Variants in SYT16 observed in about 807,000 individuals in gnomAD.
SYT16 encodes the protein synaptotagmin 16.
SYT16 carries 42 observed loss-of-function variants against 61.4 expected under a neutral mutation model. That is an observed-to-expected ratio of 0.68 (90% CI 0.53 to 0.89). The LOEUF (loss-of-function observed/expected upper bound fraction) is 0.89, where lower values mean the gene tolerates loss of function less well. SYT16 is among the 40% of genes least tolerant of loss of function. SYT16 has a pLI of 0.00. For synonymous variants in SYT16, 314 were observed against 302.3 expected (o/e 1.04, Z -0.40); for missense variants, 804 against 807.3 (o/e 1.00, Z 0.05).
rs780359023 is a variant in SYT16, at chr14:62,081,086, GAGA to G, written c.1249_1251del (p.Lys417del). The G allele has an allele frequency of 1.9e-6, 3 of 1,613,874 alleles. No individual in the cohort carries two copies. The highest frequency in any genetic ancestry group is 1.7e-5 in the Admixed American group (1 of 60,016). On this transcript the variant is annotated inframe_deletion, in exon 6 of 8. Transcript: ENST00000683842. ...GAGAGGGCCCAACCCCGTCTTCAGG[GAGA>G]AGGTCACCTTTGCCAAGCTGGAGCC...
chr14:61,943,191 G>A (rs1044998030), intron 1 of SYT16, among the ~76,000 whole-genome samples: 2 of 152,034 alleles, frequency 1.3e-5, no homozygotes, highest in African/African-American at 4.8e-5. Context: ...GGAAGAAGTC[G>A]AATCCCTGAA....
chr14:61,873,919 G>A (rs1243234340), intron 1 of SYT16, among the ~76,000 whole-genome samples: 1 of 152,196 alleles, frequency 6.6e-6, no homozygotes, highest in Non-Finnish European at 1.5e-5. Context: ...TGAAATGTTG[G>A]ATATGTTTAG....
intron 1 of SYT16, among the ~76,000 whole-genome samples, chr14:61,852,093 T>C (rs1398933629): frequency 6.6e-6 from 1 of 152,250 alleles, no homozygotes; most frequent in East Asian, 1.9e-4. Context: ...TTAATTTTTG[T>C]CTATGGTTTA....
chr14:61,928,620 A>G (rs1238745076), intron 1 of SYT16, among the ~76,000 whole-genome samples: 1 of 152,226 alleles, frequency 6.6e-6, no homozygotes, highest in African/African-American at 2.4e-5. Context: ...TGGGATTGGC[A>G]GAAACAGACA....
intron 2 of SYT16, among the ~76,000 whole-genome samples, chr14:61,974,583 A>G (rs2051703047): frequency 6.6e-6 from 1 of 152,210 alleles, no homozygotes; most frequent in South Asian, 2.1e-4. Flanking sequence ...GGAACAGTGC[A>G]TCATGTTAAA....
At chr14:61,887,287 T>C (rs980548266) in intron 1 of SYT16, among the ~76,000 whole-genome samples, 1 of 152,222 alleles carries the variant, frequency 6.6e-6, no homozygotes. Flanking sequence ...TAAACAGATA[T>C]GCTGTCATCC....
Position 62,103,923 on chromosome 14 carries a change from A to G in SYT16, c.*3216A>G, listed in dbSNP as rs1326473549. The G allele has an allele frequency of 1.3e-5, 2 of 152,208 alleles. No homozygotes were observed. The highest frequency in any genetic ancestry group is 2.9e-5 in the Non-Finnish European group (2 of 68,044). The allele number at this position is 152,208 out of a possible 1,614,324, so 9.4% of individuals were successfully genotyped here. A position where few individuals can be genotyped will look rare whatever the true frequency, so the allele number is the denominator to read the frequency against. The stretch of plus-strand genomic sequence containing the variant: ...CTGACATCAAATGTCAATATTCTCC[A>G]TAGTCCTAGGTGCCAGTGAGCCTGA... On this transcript the variant is annotated 3_prime_UTR_variant, in exon 8 of 8. Transcript: ENST00000683842.
intron 7 of SYT16, among the ~76,000 whole-genome samples, chr14:62,092,192 A>ACACG (rs1322725265): frequency 3.1e-5 from 3 of 95,942 alleles, no homozygotes; most frequent in Non-Finnish European, 7.2e-5. Context: ...ACACACACAC[A>ACACG]CACACACACA....
Position 61,869,733 on chromosome 14 carries a change from TTAG to T in SYT16, c.-325+56924_-325+56926del, listed in dbSNP as rs1280255331. ...GAGAATGGATCCCTCATGAATGAGA[TTAG>T]GGTCCTTATAATAAGAGACATGAGA... On this transcript the variant is annotated intron_variant, in intron 1 of 7. Coordinates refer to ENST00000683842, the MANE Select transcript of SYT16 (RefSeq NM_001367656.1). Among the ~76,000 whole-genome samples, 583 of 152,312 alleles carry T rather than the reference TTAG, an allele frequency of 3.8e-3. 6 individuals carry two copies. The highest frequency in any genetic ancestry group is 0.013 in the African/African-American group (552 of 41,570).
At chr14:61,978,144 CT>C (rs2051900112) in intron 2 of SYT16, among the ~76,000 whole-genome samples, 1 of 152,090 alleles carries the variant, frequency 6.6e-6, no homozygotes, top group East Asian at 1.9e-4. Context: ...ATGAAAGACC[CT>C]TTTTTCAAAT....
intron 1 of SYT16, among the ~76,000 whole-genome samples, chr14:61,820,505 G>A (rs964262303): frequency 4.3e-5 from 4 of 93,116 alleles, no homozygotes; most frequent in East Asian, 3.9e-4. Flanking sequence ...TTTTTGAGAC[G>A]TAGTCTCGCT....
intron 1 of SYT16, among the ~76,000 whole-genome samples, chr14:61,937,630 A>G (rs553056487): frequency 2.0e-5 from 3 of 152,168 alleles, no homozygotes; most frequent in Non-Finnish European, 4.4e-5. Context: ...TTGCCTTTCC[A>G]TGGAGATCTG....
intron 1 of SYT16, among the ~76,000 whole-genome samples, chr14:61,867,690 C>T (rs141100151): frequency 6.6e-6 from 1 of 152,010 alleles, no homozygotes; most frequent in Non-Finnish European, 1.5e-5. Flanking sequence ...ATATGACAGA[C>T]TTAGGAAGTG....
chr14:62,082,184 C>T (rs2056733223), intron 6 of SYT16, among the ~76,000 whole-genome samples: 1 of 152,104 alleles, frequency 6.6e-6, no homozygotes, highest in Non-Finnish European at 1.5e-5. Flanking sequence ...CACATGCAAG[C>T]AGTCAGGATG....
intron 2 of SYT16, among the ~76,000 whole-genome samples, chr14:61,977,324 A>C (rs1325258761): frequency 6.6e-6 from 1 of 152,180 alleles, no homozygotes; most frequent in Non-Finnish European, 1.5e-5. Context: ...TGTATTAGTC[A>C]ATTTTCATAC....
chr14:62,032,797 A>T (rs2054358962), intron 3 of SYT16, among the ~76,000 whole-genome samples: 1 of 151,882 alleles, frequency 6.6e-6, no homozygotes, highest in South Asian at 2.1e-4. Flanking sequence ...TTGTTTCAGG[A>T]CTAAAATATT....
chr14:62,043,980 T>C (rs2054857223), intron 3 of SYT16, among the ~76,000 whole-genome samples: 1 of 152,140 alleles, frequency 6.6e-6, no homozygotes, highest in African/African-American at 2.4e-5. Context: ...GCCTATGCTA[T>C]AGGCTCTTAT....
At chr14:61,856,335 G>C (rs944119424) in intron 1 of SYT16, among the ~76,000 whole-genome samples, 2 of 152,188 alleles carry the variant, frequency 1.3e-5, no homozygotes, top group African/African-American at 4.8e-5. Context: ...GGCAGCAGGG[G>C]AGTAGCAGTG....
intron 3 of SYT16, among the ~76,000 whole-genome samples, chr14:62,050,270 C>A (rs992778734): frequency 2.6e-5 from 4 of 152,188 alleles, no homozygotes; most frequent in Non-Finnish European, 5.9e-5. Context: ...GCATCAGCTG[C>A]TGAGGCTTGT....
Sources: gnomAD v4.1 joint callset for allele counts (sites outside exome capture counted in the v4.1 genomes callset) on GRCh38, gnomAD v4.1.1 for gene constraint, MANE v1.5 for transcripts, NCBI Gene and HGNC (gene_info 2026-07-23, HGNC 2026-07-21) for gene names.